The following COL22A1 variants were observed in gnomAD, a reference collection of about 807,000 sequenced individuals.
COL22A1 encodes the protein collagen alpha-1(XXII) chain.
In COL22A1, 221 loss-of-function variants were observed where a neutral mutation model predicts 248.9. That is an observed-to-expected ratio of 0.89 (90% CI 0.80 to 0.99). The LOEUF (loss-of-function observed/expected upper bound fraction) is 0.99, where lower values mean the gene tolerates loss of function less well. Among genes scored for constraint, COL22A1 ranks in the 50% least tolerant of loss-of-function variants. The pLI is 0.00. For missense variants in COL22A1, 2,240 were observed against 2,179.0 expected, an observed-to-expected ratio of 1.03 and a Z score of -0.56; for synonymous variants, 891 against 793.4, an observed-to-expected ratio of 1.12 and a Z score of -2.07.
chr8:138,711,270 G>A (rs1828941470), intron 30 of COL22A1, among the ~76,000 whole-genome samples: 1 of 152,192 alleles, frequency 6.6e-6, no homozygotes, highest in Non-Finnish European at 1.5e-5. Context: ...CCAGTAATGG[G>A]GAAGAACAGG....
chr8:138,749,951 C>A (rs978301357), intron 22 of COL22A1, among the ~76,000 whole-genome samples: 3 of 152,160 alleles, frequency 2.0e-5, no homozygotes, highest in Admixed American at 2.0e-4. Context: ...TCCCACAGTT[C>A]CCACACACTG....
chr8:138,837,379 G>A (rs546246392), intron 4 of COL22A1, among the ~76,000 whole-genome samples: 197 of 152,196 alleles, frequency 1.3e-3, no homozygotes, highest in Non-Finnish European at 1.3e-3. Flanking sequence ...CAGACATTGG[G>A]AGACATTCAC....
chr8:138,858,382 T>C (rs1323364602), intron 3 of COL22A1, among the ~76,000 whole-genome samples: 1 of 152,198 alleles, frequency 6.6e-6, no homozygotes, highest in Non-Finnish European at 1.5e-5. Context: ...TTGTTTTGTT[T>C]TGATTTGTTT....
At chr8:138,665,520 C>G (rs1824426832) in intron 41 of COL22A1, among the ~76,000 whole-genome samples, 1 of 152,232 alleles carries the variant, frequency 6.6e-6, no homozygotes, top group African/African-American at 2.4e-5. Flanking sequence ...CATCTGGTAG[C>G]TCTAAGTCAG....
At chr8:138,752,000 C>T (rs942798747) in intron 21 of COL22A1, among the ~76,000 whole-genome samples, 2 of 152,312 alleles carry the variant, frequency 1.3e-5, no homozygotes, top group South Asian at 2.1e-4. Flanking sequence ...GGAACACTGG[C>T]GCAGGGAGGG....
chr8:138,680,790 A>G (rs1825899251), intron 39 of COL22A1, among the ~76,000 whole-genome samples: 1 of 152,226 alleles, frequency 6.6e-6, no homozygotes, highest in Admixed American at 6.5e-5. Context: ...CCAATTGACT[A>G]TGGAAAGCTT....
chr8:138,631,094 T>C (rs1298683435), intron 49 of COL22A1, among the ~76,000 whole-genome samples: 1 of 152,212 alleles, frequency 6.6e-6, no homozygotes, highest in African/African-American at 2.4e-5. Context: ...TGATGGGAAG[T>C]TCCCTGCGGT....
At chr8:138,679,035 C>A (rs2130818365) in intron 40 of COL22A1, among the ~76,000 whole-genome samples, 1 of 152,234 alleles carries the variant, frequency 6.6e-6, no homozygotes, top group South Asian at 2.1e-4. Context: ...CCTGCCTCAG[C>A]CTCCCTCCAT....
chr8:138,907,072 AG>A (rs1216660780), intron 1 of COL22A1, among the ~76,000 whole-genome samples: 1 of 152,198 alleles, frequency 6.6e-6, no homozygotes, highest in Non-Finnish European at 1.5e-5. Flanking sequence ...TGTACCAGGG[AG>A]GGGCCAGGAA....
chr8:138,799,658 G>A (rs1816837302), intron 11 of COL22A1, among the ~76,000 whole-genome samples: 1 of 152,106 alleles, frequency 6.6e-6, no homozygotes. Flanking sequence ...TGATTTCTCG[G>A]TCAAACTGTC....
At chr8:138,777,118 G>C (rs1456205184) in intron 15 of COL22A1, among the ~76,000 whole-genome samples, 1 of 152,176 alleles carries the variant, frequency 6.6e-6, no homozygotes, top group African/African-American at 2.4e-5. Context: ...GCTCCCTGTG[G>C]GCTCCACTCC....
intron 16 of COL22A1, among the ~76,000 whole-genome samples, chr8:138,768,979 C>T (rs1484834953): frequency 6.6e-6 from 1 of 152,056 alleles, no homozygotes; most frequent in African/African-American, 2.4e-5. Flanking sequence ...AACTCAAATG[C>T]TACCTCCCCC....
At chr8:138,911,523 T>G (rs1388436400) in intron 1 of COL22A1, among the ~76,000 whole-genome samples, 1 of 152,210 alleles carries the variant, frequency 6.6e-6, no homozygotes, top group Non-Finnish European at 1.5e-5. Flanking sequence ...GTCACACAGA[T>G]GACAGCGGAT....
chr8:138,883,030 T>A, intron 2 of COL22A1, 52 bp downstream of exon 2: 1 of 1,456,720 alleles, frequency 6.9e-7, no homozygotes. Context: ...CACGGACACA[T>A]GCTGTCTGCT....
chr8:138,908,328 A>G (rs559537911), intron 1 of COL22A1, among the ~76,000 whole-genome samples: 1 of 152,338 alleles, frequency 6.6e-6, no homozygotes, highest in East Asian at 1.9e-4. Flanking sequence ...GAATGTTACT[A>G]TTGGTTAAGT....
At chr8:138,822,691 G>C (rs915961529) in intron 6 of COL22A1, among the ~76,000 whole-genome samples, 1 of 152,160 alleles carries the variant, frequency 6.6e-6, no homozygotes, top group Non-Finnish European at 1.5e-5. Context: ...TTCTAGTTGA[G>C]CTTGGCCCAT....
At chr8:138,829,942 G>A (rs566815455) in intron 5 of COL22A1, among the ~76,000 whole-genome samples, 2 of 152,168 alleles carry the variant, frequency 1.3e-5, no homozygotes, top group South Asian at 2.1e-4. Context: ...ATGTGCATGT[G>A]TGTGTATATA....
In COL22A1 at chr8:138,644,406, G is replaced by A. The variant is rs142296051; in HGVS notation, c.3501+2223C>T. 3.3e-3 allele frequency among the ~76,000 whole-genome samples: 496 copies of A among 151,946 alleles called. 2 individuals are homozygous for A. Among genetic ancestry groups the A allele is most frequent in the African/African-American group, 0.011 (460 of 41,444 alleles). ...CGGCTGCCACCACTGTGACCGTAAG[G>A]GCTAAAAAAGCTAATGTCAAATGAG... On this transcript the variant is annotated intron_variant, in intron 47 of 64. Transcript: ENST00000303045.
intron 3 of COL22A1, among the ~76,000 whole-genome samples, 157 bp from the exon 4 acceptor site, chr8:138,844,315 C>T (rs1023898234): frequency 6.6e-5 from 10 of 152,244 alleles, no homozygotes; most frequent in African/African-American, 2.4e-4. Flanking sequence ...TCCGCACTCA[C>T]TCATGTTTTC....
Sources: gnomAD v4.1 joint callset for allele counts (sites outside exome capture counted in the v4.1 genomes callset) on GRCh38, gnomAD v4.1.1 for gene constraint, MANE v1.5 for transcripts, NCBI Gene and HGNC (gene_info 2026-07-23, HGNC 2026-07-21) for gene names.